Variants in APBB1IP observed in about 807,000 individuals in gnomAD.
The protein encoded by APBB1IP is amyloid beta precursor protein binding family B member 1 interacting protein, also known as amyloid beta A4 precursor protein-binding family B member 1-interacting protein.
APBB1IP carries 27 observed loss-of-function variants against 64.9 expected under a neutral mutation model. The ratio of observed to expected loss-of-function variants is 0.42; its 90% CI spans 0.31 to 0.57. The LOEUF (loss-of-function observed/expected upper bound fraction) is 0.57. APBB1IP is among the 20% of genes least tolerant of loss of function. The probability of loss-of-function intolerance (pLI) is 0.20; values close to 1 mark genes in which losing one functional copy is unlikely to be tolerated. For synonymous variants in APBB1IP, 392 were observed against 331.0 expected (o/e 1.18, Z -2.00); for missense variants, 812 against 845.5 (o/e 0.96, Z 0.49).
At chr10:26,557,140 A>G (rs556436567) in intron 11 of APBB1IP, among the ~76,000 whole-genome samples, 2 of 152,350 alleles carry the variant, frequency 1.3e-5, no homozygotes, top group South Asian at 4.1e-4. Context: ...AAGGGCCTCC[A>G]AAGAGGATCA....
chr10:26,479,294 C>CAA (rs1158421940), intron 2 of APBB1IP, among the ~76,000 whole-genome samples: 11 of 884 alleles, frequency 0.012, 4 homozygotes, highest in East Asian at 0.029. Context: ...GACTCCGTCT[C>CAA]AAAAAAAAAA....
rs1271828056 is a variant in APBB1IP at position 26,452,807 on chromosome 10, C to CA, written c.-1+13956dup. On this transcript the variant is annotated intron_variant, in intron 2 of 14. Transcript: ENST00000376236. ...ACATTGTACCCAATCGGTAATTTTTCAACCCTCCATATTTTGTAGCCTCCA... is the reference window on the plus strand; with the variant it reads ...ACATTGTACCCAATCGGTAATTTTTCAAACCCTCCATATTTTGTAGCCTCCA... Among the ~76,000 whole-genome samples the CA allele has an allele frequency of 6.6e-5, 10 of 152,224 alleles. No homozygotes were observed. In the East Asian group the frequency reaches 1.7e-3, roughly 26 times the overall value.
At chr10:26,522,165 C>A (rs1836410379) in intron 8 of APBB1IP, among the ~76,000 whole-genome samples, 1 of 151,972 alleles carries the variant, frequency 6.6e-6, no homozygotes, top group South Asian at 2.1e-4. Context: ...TGATTCCCAC[C>A]ATCATCTTTT....
intron 4 of APBB1IP, among the ~76,000 whole-genome samples, chr10:26,497,550 C>T (rs1392024210): frequency 7.6e-6 from 1 of 132,250 alleles, no homozygotes; most frequent in African/African-American, 2.8e-5. Context: ...GACTCTGCCT[C>T]AAAAAAAAAA....
At chr10:26,526,660 G>A (rs557096001) in intron 8 of APBB1IP, among the ~76,000 whole-genome samples, 33 of 152,116 alleles carry the variant, frequency 2.2e-4, no homozygotes, top group African/African-American at 5.8e-4. Context: ...CGGAAGTTGC[G>A]GTGAGCCGAG....
intron 11 of APBB1IP, among the ~76,000 whole-genome samples, chr10:26,545,498 C>T (rs985901765): frequency 1.3e-5 from 2 of 151,972 alleles, no homozygotes; most frequent in African/African-American, 2.4e-5. Flanking sequence ...CGGTGGCTCA[C>T]GCCTGTAATC....
intron 2 of APBB1IP, among the ~76,000 whole-genome samples, chr10:26,475,701 C>G (rs943468724): frequency 2.0e-5 from 3 of 152,168 alleles, no homozygotes; most frequent in African/African-American, 7.2e-5. Flanking sequence ...TATCTACCCC[C>G]ACATGGTTTC....
intron 2 of APBB1IP, among the ~76,000 whole-genome samples, chr10:26,481,583 C>G (rs755815897): frequency 2.6e-5 from 4 of 152,112 alleles, no homozygotes; most frequent in Non-Finnish European, 2.9e-5. Flanking sequence ...CTCTTGCGCT[C>G]AAAGGATTCT....
chr10:26,510,000 C>T (rs748888094), intron 6 of APBB1IP, among the ~76,000 whole-genome samples: 13 of 152,128 alleles, frequency 8.5e-5, no homozygotes, highest in African/African-American at 1.7e-4. Flanking sequence ...GACAGAGTCT[C>T]GCTCCACCCC....
At chr10:26,547,988 A>G (rs1836787813) in intron 11 of APBB1IP, among the ~76,000 whole-genome samples, 1 of 151,982 alleles carries the variant, frequency 6.6e-6, no homozygotes, top group African/African-American at 2.4e-5. Flanking sequence ...TGGACTCTCT[A>G]TCTTGTTCCA....
At chr10:26,465,317 T>C (rs1477507043) in intron 2 of APBB1IP, among the ~76,000 whole-genome samples, 1 of 152,240 alleles carries the variant, frequency 6.6e-6, no homozygotes, top group African/African-American at 2.4e-5. Flanking sequence ...TGCTCAGATC[T>C]TAACTAGTTT....
chr10:26,496,912 G>T (rs1174754820), intron 4 of APBB1IP, among the ~76,000 whole-genome samples: 1 of 151,926 alleles, frequency 6.6e-6, no homozygotes, highest in Non-Finnish European at 1.5e-5. Context: ...TCTCAGCCAT[G>T]CATGATGGCT....
At chr10:26,557,494 GA>G (rs1164183413) in intron 11 of APBB1IP, among the ~76,000 whole-genome samples, 2 of 152,216 alleles carry the variant, frequency 1.3e-5, no homozygotes, top group African/African-American at 4.8e-5. Flanking sequence ...AAAGACCAAA[GA>G]GAGGAATTTT....
In APBB1IP at chr10:26,462,494, G is replaced by A. The variant is rs1413581161; in HGVS notation, c.-1+23641G>A. Among the ~76,000 whole-genome samples, 5 of 152,280 alleles carry A rather than the reference G, an allele frequency of 3.3e-5. No homozygotes were observed. The East Asian group carries it at 9.6e-4, about 29-fold the overall frequency. On this transcript the variant is annotated intron_variant, in intron 2 of 14. Coordinates refer to ENST00000376236, the MANE Select transcript of APBB1IP (RefSeq NM_019043.4). Reference sequence around the variant, plus strand: ...GAACTTCCTACTCACCATGCATTGAGATGATCATATAGTATCTCATTTAAT... The same window carrying A: ...GAACTTCCTACTCACCATGCATTGAAATGATCATATAGTATCTCATTTAAT...
At chr10:26,529,896 C>T (rs1253276489) in intron 8 of APBB1IP, among the ~76,000 whole-genome samples, 1 of 152,212 alleles carries the variant, frequency 6.6e-6, no homozygotes, top group Admixed American at 6.5e-5. Context: ...CCACCTTGGC[C>T]ACCCAAAGTA....
intron 2 of APBB1IP, among the ~76,000 whole-genome samples, chr10:26,443,004 G>C (rs1206361953): frequency 6.6e-6 from 1 of 152,114 alleles, no homozygotes; most frequent in African/African-American, 2.4e-5. Context: ...TACTTTAATT[G>C]AATAGCATAA....
At chr10:26,482,517 C>T (rs1472168623) in intron 2 of APBB1IP, among the ~76,000 whole-genome samples, 1 of 152,082 alleles carries the variant, frequency 6.6e-6, no homozygotes, top group Non-Finnish European at 1.5e-5. Context: ...TCACAGTTTC[C>T]ACCAGCATTT....
At chr10:26,545,482 C>T (rs542404965) in intron 11 of APBB1IP, among the ~76,000 whole-genome samples, 123 of 152,220 alleles carry the variant, frequency 8.1e-4, no homozygotes, top group African/African-American at 2.6e-3. Flanking sequence ...AAAATTAGGC[C>T]GGGCGCGGTG....
chr10:26,460,818 G>A (rs1358235648), intron 2 of APBB1IP, among the ~76,000 whole-genome samples: 1 of 152,130 alleles, frequency 6.6e-6, no homozygotes, highest in African/African-American at 2.4e-5. Context: ...AGCGGGGAGA[G>A]CATCAGGAAG....
Sources: gnomAD v4.1 joint callset for allele counts (sites outside exome capture counted in the v4.1 genomes callset) on GRCh38, gnomAD v4.1.1 for gene constraint, MANE v1.5 for transcripts, NCBI Gene and HGNC (gene_info 2026-07-23, HGNC 2026-07-21) for gene names.